C1QTNF6: variants seen among roughly 807,000 people sequenced by gnomAD.
The protein encoded by C1QTNF6 is C1q and TNF related 6.
C1QTNF6 carries 17 observed loss-of-function variants against 20.7 expected under a neutral mutation model. The observed-to-expected ratio is 0.82, with a 90% CI of 0.56 to 1.23. The LOEUF (loss-of-function observed/expected upper bound fraction) is 1.23. Ranked by LOEUF, C1QTNF6 falls within the 50% of genes most tolerant of loss-of-function variation. The probability of loss-of-function intolerance (pLI) is 0.00; values close to 1 mark genes in which losing one functional copy is unlikely to be tolerated. For missense variants in C1QTNF6, 329 were observed against 389.7 expected, an observed-to-expected ratio of 0.84 and a Z score of 1.31; for synonymous variants, 130 against 156.3, an observed-to-expected ratio of 0.83 and a Z score of 1.25.
chr22:37,185,787 C>T, intron 1 of C1QTNF6: 2 of 1,024,354 alleles, frequency 2.0e-6, no homozygotes, highest in South Asian at 4.6e-5. Flanking sequence ...TCCCAGGAAG[C>T]TTTGCTGGGG....
Position 37,182,290 on chromosome 22 carries a change from C to A in C1QTNF6, c.735G>T (p.Trp245Cys). 6.2e-7 allele frequency: 1 copy of A among 1,614,218 alleles called. No homozygotes were observed. Among genetic ancestry groups the A allele is most frequent in the Non-Finnish European group, 8.5e-7 (1 of 1,180,036 alleles). The stretch of plus-strand genomic sequence containing the variant: ...CGCGCTGGCGCTTGAAGAGCCGCAC[C>A]CAGACGCGGTCCCCGTAGGCCAGGT... ...MLDLAYGDRVWVRLFKRQREN... is the reference protein window; with the variant it reads ...MLDLAYGDRVCVRLFKRQREN... The change falls in exon 3 of 3, where the codon TGG becomes TGT. Residue 245 changes from tryptophan to cysteine, a missense_variant. By Grantham distance (215) the Trp-to-Cys change is radical. Coordinates refer to ENST00000337843, the MANE Select transcript of C1QTNF6 (RefSeq NM_031910.4).
upstream of C1QTNF6, among the ~76,000 whole-genome samples, chr22:37,190,160 T>C (rs925319293): frequency 6.6e-6 from 1 of 152,220 alleles, no homozygotes; most frequent in African/African-American, 2.4e-5. Context: ...GTGTACCATA[T>C]TTTTTGAAAC....
chr22:37,192,783 T>A (rs933865182), upstream of C1QTNF6, among the ~76,000 whole-genome samples: 9 of 152,202 alleles, frequency 5.9e-5, no homozygotes, highest in Admixed American at 5.2e-4. Context: ...ACACAACATA[T>A]ATAAATACAC....
At position 37,182,130 on chromosome 22, in the gene C1QTNF6, C is replaced by T; in HGVS notation, c.*58G>A. 6.5e-7 allele frequency: 1 copy of T among 1,539,908 alleles called. No homozygotes were observed. The highest frequency in any genetic ancestry group is 8.8e-7 in the Non-Finnish European group (1 of 1,140,216). ...GCTTCACAGCAGTGCAAACTGAGCC[C>T]TGCAGGGGACGGGACCAGCACCTGA... is the stretch of plus-strand genomic sequence containing the variant. On this transcript the variant is annotated 3_prime_UTR_variant, in exon 3 of 3. Coordinates refer to ENST00000337843, the MANE Select transcript of C1QTNF6 (RefSeq NM_031910.4).
chr22:37,191,674 A>G (rs914008786), upstream of C1QTNF6: 26 of 152,214 alleles, frequency 1.7e-4, no homozygotes, highest in African/African-American at 6.3e-4. Context: ...TTACTCACCG[A>G]TAAAGGGAAG....
chr22:37,184,456 G>C lies in C1QTNF6; in HGVS notation c.289+762C>G, dbSNP rs546160265. 1.1e-4 allele frequency: 78 copies of C among 716,904 alleles called. No homozygotes were observed. Among genetic ancestry groups the C allele is most frequent in the Middle Eastern group, 9.7e-4 (4 of 4,104 alleles). The allele number at this position is 716,904 out of a possible 1,614,324, so 44.4% of individuals were successfully genotyped here. A position where few individuals can be genotyped will look rare whatever the true frequency, so the allele number is the denominator to read the frequency against. ...CCACGTCCTATTGAGAGAGCGGGTA[G>C]CCAGCCCGCACCTGGACGGCCCTCA... On this transcript the variant is annotated intron_variant, in intron 2 of 2. Coordinates refer to ENST00000337843, the MANE Select transcript of C1QTNF6 (RefSeq NM_031910.4). This position sits in a 1 kb window ranked among gnomAD's most constrained non-coding sequence, Gnocchi z 4.0.
Position 37,181,885 on chromosome 22 carries a change from T to C in C1QTNF6, c.*303A>G. ...CAGACCTGCTGAGTCAGAATCTGCA[T>C]TTAACACGAACCCCGGGTGATTCGC... On this transcript the variant is annotated 3_prime_UTR_variant, in exon 3 of 3. Coordinates refer to ENST00000337843, the MANE Select transcript of C1QTNF6 (RefSeq NM_031910.4). 5.0e-6 allele frequency: 2 copies of C among 402,098 alleles called. No individual in the cohort carries two copies. Among genetic ancestry groups the C allele is most frequent in the Non-Finnish European group, 9.1e-6 (2 of 220,434 alleles). The allele number at this position is 402,098 out of a possible 1,614,324, so 24.9% of individuals were successfully genotyped here. A position where few individuals can be genotyped will look rare whatever the true frequency, so the allele number is the denominator to read the frequency against.
rs1324971128 is a variant in C1QTNF6 at position 37,182,803 on chromosome 22, C to T, written c.290-68G>A. The T allele has an allele frequency of 4.0e-6, 6 of 1,485,324 alleles. No individual in the cohort carries two copies. The East Asian group carries it at 1.5e-4, about 37-fold the overall frequency. The allele number at this position is 1,485,324 out of a possible 1,614,324, so 92.0% of individuals were successfully genotyped here. ...CCTGCTCCAAGGAGGTGCCCACACT[C>T]ATCTGTGACGGCTCTGCCCCTGTCC... is the stretch of plus-strand genomic sequence containing the variant. On this transcript the variant is annotated intron_variant, in intron 2 of 2. Coordinates refer to ENST00000337843, the MANE Select transcript of C1QTNF6 (RefSeq NM_031910.4).
chr22:37,182,747 A>C lies in C1QTNF6; in HGVS notation c.290-12T>G, dbSNP rs1209636628. 6.3e-7 allele frequency: 1 copy of C among 1,581,120 alleles called. No homozygotes were observed. Among genetic ancestry groups the C allele is most frequent in the East Asian group, 2.3e-5 (1 of 43,792 alleles). On this transcript the variant is annotated splice_polypyrimidine_tract_variant and intron_variant, in intron 2 of 2. Transcript: ENST00000337843. ...GTCCCCTTTGTCACCTGTGGGGATA[A>C]AAAGGGGACAAGTCAGGGTGGACAT...
chr22:37,191,629 TG>T (rs1924824363), upstream of C1QTNF6: 1 of 152,128 alleles, frequency 6.6e-6, no homozygotes. Context: ...TTGGCCAAAA[TG>T]ATAACTCAAA....
intron 1 of C1QTNF6, chr22:37,196,762 G>A (rs1417756665): frequency 6.6e-6 from 1 of 152,270 alleles, no homozygotes; most frequent in Non-Finnish European, 1.5e-5. Context: ...CCCCGGCGGG[G>A]AGTGGGGATA....
rs564416765 is a variant in C1QTNF6 at position 37,185,383 on chromosome 22, G to T, written c.124C>A (p.Pro42Thr). The T allele has an allele frequency of 9.3e-6, 15 of 1,613,512 alleles. No individual in the cohort carries two copies. The Admixed American group carries it at 2.0e-4, about 22-fold the overall frequency. ...LLLFLLMCEI[P>T]MVELTFDRAV... ...CTGTCAAAGGTGAGCTCCACCATAG[G>T]GATCTCACACATCAGGAGAAAGAGC... The change falls in exon 2 of 3, where the codon CCT becomes ACT. Residue 42 changes from proline to threonine, a missense_variant. Physicochemically the swap from Pro to Thr is conservative, Grantham distance 38. Coordinates refer to ENST00000337843, the MANE Select transcript of C1QTNF6 (RefSeq NM_031910.4).
At position 37,182,348 on chromosome 22, in the gene C1QTNF6, C is replaced by A; in HGVS notation, c.677G>T (p.Arg226Leu). The A allele has an allele frequency of 1.2e-6, 2 of 1,614,234 alleles. No individual in the cohort carries two copies. Among genetic ancestry groups the A allele is most frequent in the East Asian group, 4.5e-5 (2 of 44,884 alleles). ...CACACTCTGGCTCTGCATGATGCTG[C>A]GCTCGCTGGGCTGCGCGTACAGGAT... ...AVILYAQPSE[R>L]SIMQSQSVML... is the part of the protein sequence containing the mutation. Residue 226 changes from arginine (R) to leucine (L), a missense_variant, in exon 3 of 3, where the codon CGC (arginine) becomes CTC (leucine). By Grantham distance (102) the Arg-to-Leu change is moderately radical. Coordinates refer to ENST00000337843, the MANE Select transcript of C1QTNF6 (RefSeq NM_031910.4).
In C1QTNF6 at chr22:37,182,673, C is replaced by A; in HGVS notation, c.352G>T (p.Gly118Trp). 1.2e-6 allele frequency: 2 copies of A among 1,612,966 alleles called. No individual in the cohort carries two copies. Among genetic ancestry groups the A allele is most frequent in the Non-Finnish European group, 8.5e-7 (1 of 1,179,962 alleles). Residue 118 changes from glycine (G) to tryptophan (W), a missense_variant, in exon 3 of 3, where the codon GGG (glycine) becomes TGG (tryptophan). Coordinates refer to ENST00000337843, the MANE Select transcript of C1QTNF6 (RefSeq NM_031910.4). ...PGYMGREGPQ[G>W]EPGPQGSKGD... ...TTGCTGCCCTGAGGGCCAGGCTCCC[C>A]TTGGGGACCCTCCCTGCCCATGTAC...
At position 37,188,164 on chromosome 22, in the gene C1QTNF6, C is replaced by G; in HGVS notation, c.50G>C (p.Arg17Thr). ...RESPGEATGH[R>T]VTMGTAALGP... is the part of the protein sequence containing the mutation. Reference sequence around the variant, plus strand: ...CTTGAGGAGCCTCTGGTCACTCACCCTGTGTCCTGTGGCCTCCCCAGGCGA... The same window carrying G: ...CTTGAGGAGCCTCTGGTCACTCACCGTGTGTCCTGTGGCCTCCCCAGGCGA... The change falls in exon 1 of 3, where the codon AGG (arginine) becomes ACG (threonine). Residue 17 changes from arginine (R) to threonine (T), a missense_variant and splice_region_variant. Transcript: ENST00000337843. The G allele has an allele frequency of 6.2e-7, 1 of 1,610,128 alleles. No homozygotes were observed. Among genetic ancestry groups the G allele is most frequent in the Non-Finnish European group, 8.5e-7 (1 of 1,178,182 alleles).
At chr22:37,198,343 C>A (rs768387326), upstream of C1QTNF6, 1 of 152,144 alleles carries the variant, frequency 6.6e-6, no homozygotes, top group African/African-American at 2.4e-5. Context: ...ATTTTACAGA[C>A]GAGATAGATG....
rs1923808422 is a variant in C1QTNF6, at chr22:37,182,043, G to A, written c.*145C>T. 3.5e-6 allele frequency: 3 copies of A among 850,436 alleles called. No homozygotes were observed. The highest frequency in any genetic ancestry group is 3.5e-6 in the Non-Finnish European group (2 of 565,538). 52.7% of individuals were successfully genotyped at this position (850,436 alleles called of 1,614,324 possible). A position where few individuals can be genotyped will look rare whatever the true frequency, so the allele number is the denominator to read the frequency against. ...AAATAGGCTGGGAGGGATGATGGCAGCCAAGATAGAAGCAGGGTCTCCCCA... is the reference window on the plus strand; with the variant it reads ...AAATAGGCTGGGAGGGATGATGGCAACCAAGATAGAAGCAGGGTCTCCCCA... On this transcript the variant is annotated 3_prime_UTR_variant, in exon 3 of 3. Coordinates refer to ENST00000337843, the MANE Select transcript of C1QTNF6 (RefSeq NM_031910.4).
chr22:37,187,733 T>C (rs565707896), intron 1 of C1QTNF6, among the ~76,000 whole-genome samples: 1 of 152,224 alleles, frequency 6.6e-6, no homozygotes, highest in African/African-American at 2.4e-5. Flanking sequence ...AACCGTGGCC[T>C]GGGAGCAGGA....
rs922583705 is a variant in C1QTNF6, at chr22:37,185,987, T to C, written c.52-532A>G. 3 of 985,514 alleles carry C rather than the reference T, an allele frequency of 3.0e-6. No individual in the cohort carries two copies. In the African/African-American group the frequency reaches 5.2e-5, roughly 17 times the overall value. The allele number at this position is 985,514 out of a possible 1,614,324, so 61.0% of individuals were successfully genotyped here. Reference sequence around the variant, plus strand: ...ACAAACGTGGAGGGTTCTGGAGGCTTGTTCTCAGGAGAGGGGATGGGTGGC... The same window carrying C: ...ACAAACGTGGAGGGTTCTGGAGGCTCGTTCTCAGGAGAGGGGATGGGTGGC... On this transcript the variant is annotated intron_variant, in intron 1 of 2. Transcript: ENST00000337843.
Sources: gnomAD v4.1 joint callset for allele counts (sites outside exome capture counted in the v4.1 genomes callset) on GRCh38, gnomAD v4.1.1 for gene constraint, Gnocchi (gnomAD v3.1) non-coding constraint, MANE v1.5 for transcripts, NCBI Gene and HGNC (gene_info 2026-07-23, HGNC 2026-07-21) for gene names.